Variants in PARM1 observed in about 807,000 individuals in gnomAD.
PARM1 encodes the protein WSC4, cell wall integrity and stress response component 4 homolog.
PARM1 carries 14 observed loss-of-function variants against 24.6 expected under a neutral mutation model. The observed-to-expected ratio is 0.57, with a 90% confidence interval of 0.38 to 0.89. The LOEUF (loss-of-function observed/expected upper bound fraction) is 0.89. PARM1 is among the 40% of genes least tolerant of loss of function. The pLI is 0.00. For synonymous variants in PARM1, 179 were observed against 156.6 expected (o/e 1.14, Z -1.07); for missense variants, 362 against 380.4 (o/e 0.95, Z 0.40).
intron 1 of PARM1, among the ~76,000 whole-genome samples, chr4:74,940,190 G>A (rs924992346): frequency 2.0e-5 from 3 of 152,136 alleles, no homozygotes; most frequent in African/African-American, 4.8e-5. Context: ...TTTACCAGGG[G>A]TAGTACACAA....
At chr4:74,934,515 A>G (rs961070779) in intron 1 of PARM1, among the ~76,000 whole-genome samples, 27 of 152,216 alleles carry the variant, frequency 1.8e-4, no homozygotes, top group African/African-American at 6.5e-4. Context: ...AAGTTTCCCA[A>G]CTTGAAACTA....
At chr4:75,037,060 C>A in intron 3 of PARM1, among the ~76,000 whole-genome samples, 1 of 152,158 alleles carries the variant, frequency 6.6e-6, no homozygotes, top group East Asian at 1.9e-4. Flanking sequence ...ACCCCTTCAG[C>A]TGTTATTTTG....
At chr4:74,947,433 A>G (rs1241472944) in intron 1 of PARM1, among the ~76,000 whole-genome samples, 1 of 152,228 alleles carries the variant, frequency 6.6e-6, no homozygotes, top group Non-Finnish European at 1.5e-5. Flanking sequence ...GACTTAAGAG[A>G]CATAGCAGCC....
At chr4:74,991,274 C>T (rs1315456186) in intron 1 of PARM1, among the ~76,000 whole-genome samples, 1 of 152,056 alleles carries the variant, frequency 6.6e-6, no homozygotes, top group Non-Finnish European at 1.5e-5. Context: ...AAAAATAAAT[C>T]ACAAAATATA....
chr4:74,936,084 C>A (rs909264821), intron 1 of PARM1, among the ~76,000 whole-genome samples: 1 of 152,164 alleles, frequency 6.6e-6, no homozygotes, highest in Admixed American at 6.5e-5. Flanking sequence ...ATCCTCCCAC[C>A]TTGGTCATCC....
At chr4:75,018,625 T>C (rs1392400013) in intron 2 of PARM1, among the ~76,000 whole-genome samples, 1 of 152,194 alleles carries the variant, frequency 6.6e-6, no homozygotes, top group African/African-American at 2.4e-5. Context: ...TTTATTACAA[T>C]TATCCTTTAC....
chr4:74,982,979 G>A (rs1722287253), intron 1 of PARM1, among the ~76,000 whole-genome samples: 1 of 152,156 alleles, frequency 6.6e-6, no homozygotes, highest in Non-Finnish European at 1.5e-5. Flanking sequence ...GGAAAAAAAA[G>A]TTGAATCTCT....
chr4:75,029,901 C>CT (rs1224760429), intron 2 of PARM1, among the ~76,000 whole-genome samples: 3 of 151,696 alleles, frequency 2.0e-5, no homozygotes, highest in Non-Finnish European at 4.4e-5. Context: ...TTCTGGTAAT[C>CT]TTTTTTAAGC....
intron 1 of PARM1, chr4:74,994,079 A>G (rs900703245): frequency 5.3e-5 from 8 of 152,310 alleles, no homozygotes; most frequent in African/African-American, 1.4e-4. Flanking sequence ...AAGGAATTAA[A>G]GTGGAGTACA....
At chr4:75,012,099 T>C (rs1722881413) in intron 1 of PARM1, among the ~76,000 whole-genome samples, 1 of 152,186 alleles carries the variant, frequency 6.6e-6, no homozygotes, top group Non-Finnish European at 1.5e-5. Flanking sequence ...CATAAATCAA[T>C]TCTCCAGGGG....
chr4:74,989,170 G>A (rs900093295), intron 1 of PARM1, among the ~76,000 whole-genome samples: 1 of 152,136 alleles, frequency 6.6e-6, no homozygotes, highest in African/African-American at 2.4e-5. Context: ...GATACCAGCT[G>A]GGTCTCCTCT....
rs1040674434 is a variant in PARM1, at chr4:74,933,180, C to G, written c.-148C>G. The stretch of plus-strand genomic sequence containing the variant: ...GCTGCGCTGCGTTCGCCTCGTTTGC[C>G]TCGCGCCCTCCACTGGAGCTGTTCG... On this transcript the variant is annotated 5_prime_UTR_variant, in exon 1 of 4. Transcript: ENST00000307428. The G allele has an allele frequency of 3.2e-6, 2 of 623,590 alleles. No homozygotes were observed. Among genetic ancestry groups the G allele is most frequent in the Non-Finnish European group, 5.7e-6 (2 of 352,684 alleles). The allele number at this position is 623,590 out of a possible 1,614,324, so 38.6% of individuals were successfully genotyped here. A position where few individuals can be genotyped will look rare whatever the true frequency, so the allele number is the denominator to read the frequency against.
rs1721495656 is a variant in PARM1, at chr4:74,950,206, TAC to T, written c.43+16837_43+16838del. On this transcript the variant is annotated intron_variant, in intron 1 of 3. Transcript: ENST00000307428. ...GTTTCCTGAGGCTGCCATAACAAAT[TAC>T]CATAAACTCGGAAAGCTTAAAACAA... Among the ~76,000 whole-genome samples the T allele has an allele frequency of 1.4e-4, 22 of 152,264 alleles. No individual in the cohort carries two copies. The South Asian group carries it at 4.6e-3, about 32-fold the overall frequency.
chr4:74,949,833 C>A (rs928492523), intron 1 of PARM1, among the ~76,000 whole-genome samples: 1 of 146,816 alleles, frequency 6.8e-6, no homozygotes, highest in East Asian at 2.0e-4. Context: ...TGGCCTCTTA[C>A]TCTTTTTTTT....
At chr4:74,996,189 C>T (rs535592245) in intron 1 of PARM1, among the ~76,000 whole-genome samples, 1 of 152,214 alleles carries the variant, frequency 6.6e-6, no homozygotes, top group East Asian at 1.9e-4. Flanking sequence ...TGTCCTTGTA[C>T]AGGCCCCTGT....
intron 3 of PARM1, among the ~76,000 whole-genome samples, chr4:75,038,948 G>A (rs1303982876): frequency 3.9e-5 from 6 of 152,198 alleles, no homozygotes; most frequent in African/African-American, 1.4e-4. Flanking sequence ...AAAAATAAAT[G>A]CAGTCTTGAT....
At chr4:74,944,459 G>A (rs1455138548) in intron 1 of PARM1, among the ~76,000 whole-genome samples, 1 of 152,118 alleles carries the variant, frequency 6.6e-6, no homozygotes, top group African/African-American at 2.4e-5. Context: ...GCCCCAGAGA[G>A]TAGCTCTGAC....
chr4:74,937,761 A>G (rs1221037007), intron 1 of PARM1, among the ~76,000 whole-genome samples: 1 of 152,248 alleles, frequency 6.6e-6, no homozygotes, highest in East Asian at 1.9e-4. Flanking sequence ...TTGTACTTGA[A>G]CTATGTAAAT....
intron 2 of PARM1, among the ~76,000 whole-genome samples, chr4:75,019,919 C>A (rs1308563220): frequency 7.1e-6 from 1 of 141,404 alleles, no homozygotes; most frequent in Admixed American, 7.6e-5. Context: ...AGGAGAATGG[C>A]GTGAACCCAG....
Sources: gnomAD v4.1 joint callset for allele counts (sites outside exome capture counted in the v4.1 genomes callset) on GRCh38, gnomAD v4.1.1 for gene constraint, MANE v1.5 for transcripts, NCBI Gene and HGNC (gene_info 2026-07-23, HGNC 2026-07-21) for gene names.